Variants in CYP4F2 observed in about 807,000 individuals in gnomAD.
The protein encoded by CYP4F2 is cytochrome P450 4F2.
A neutral mutation model predicts 58.9 loss-of-function variants in CYP4F2; 58 were observed. That is an observed-to-expected ratio of 0.98 (90% CI 0.80 to 1.23). The LOEUF is 1.23. Ranked by LOEUF, CYP4F2 falls within the 50% of genes most tolerant of loss-of-function variation. The pLI is 0.00. For missense variants in CYP4F2, 616 were observed against 685.6 expected, an observed-to-expected ratio of 0.90 and a Z score of 1.13; for synonymous variants, 287 against 261.1, an observed-to-expected ratio of 1.10 and a Z score of -0.95.
intron 9 of CYP4F2, among the ~76,000 whole-genome samples, chr19:15,883,426 A>T (rs1372083632): frequency 6.6e-6 from 1 of 152,224 alleles, no homozygotes; most frequent in Non-Finnish European, 1.5e-5. Flanking sequence ...CCACAATGAG[A>T]TATCATCTCA....
intron 9 of CYP4F2, among the ~76,000 whole-genome samples, chr19:15,883,668 A>T (rs2886296): frequency 0.96 from 146,322 of 152,358 alleles, 70,319 homozygotes; most frequent in East Asian, 1. Context: ...AGAAAATAAA[A>T]CTGTTGAAGA....
At chr19:15,890,639 G>C (rs548074337) in intron 5 of CYP4F2, among the ~76,000 whole-genome samples, 9 of 152,186 alleles carry the variant, frequency 5.9e-5, no homozygotes, top group African/African-American at 2.2e-4. Context: ...AGGAGAACTA[G>C]GTTCAAGTTC....
rs2089320992 is a variant in CYP4F2, at chr19:15,878,737, A to G, written c.*34T>C. 11 of 1,608,842 alleles carry G rather than the reference A, an allele frequency of 6.8e-6. No homozygotes were observed. In the East Asian group the frequency reaches 2.5e-4, roughly 36 times the overall value. ...CTTCACTTTTGATGAATCAGGGGTCATTTTAGTGGGGTCAGAGTGGGTCTC... is the reference window on the plus strand; with the variant it reads ...CTTCACTTTTGATGAATCAGGGGTCGTTTTAGTGGGGTCAGAGTGGGTCTC... On this transcript the variant is annotated 3_prime_UTR_variant, in exon 13 of 13. Transcript: ENST00000221700.
intron 7 of CYP4F2, among the ~76,000 whole-genome samples, chr19:15,888,617 C>G (rs1353647712): frequency 6.6e-6 from 1 of 152,106 alleles, no homozygotes; most frequent in Non-Finnish European, 1.5e-5. Flanking sequence ...CACAGACGCA[C>G]ACATACATAG....
chr19:15,895,427 C>G, intron 3 of CYP4F2, 79 bp downstream of exon 3: 1 of 1,437,262 alleles, frequency 7.0e-7, no homozygotes, highest in Non-Finnish European at 9.1e-7. Context: ...CAGAGTACTG[C>G]AGGGCCCACA....
chr19:15,885,100 C>T (rs1170717822), intron 9 of CYP4F2, among the ~76,000 whole-genome samples: 2 of 151,588 alleles, frequency 1.3e-5, no homozygotes, highest in South Asian at 2.1e-4. Flanking sequence ...TCTCTCTCTC[C>T]TTCTCTCTCT....
chr19:15,881,798 C>T (rs923880261), intron 9 of CYP4F2, among the ~76,000 whole-genome samples: 9 of 149,868 alleles, frequency 6.0e-5, no homozygotes, highest in South Asian at 2.1e-4. Flanking sequence ...TACCATTCAG[C>T]CTTAAAAAAA....
intron 9 of CYP4F2, among the ~76,000 whole-genome samples, chr19:15,884,831 T>C (rs1568470658): frequency 6.6e-6 from 1 of 152,220 alleles, no homozygotes; most frequent in Admixed American, 6.5e-5. Flanking sequence ...GCCTTCATTC[T>C]ACAGCTGGTC....
At chr19:15,885,060 TCTC>T (rs2089368691) in intron 9 of CYP4F2, among the ~76,000 whole-genome samples, 1 of 151,634 alleles carries the variant, frequency 6.6e-6, no homozygotes, top group Non-Finnish European at 1.5e-5. Flanking sequence ...TCTCTCCCCT[TCTC>T]CTCCTTTCTG....
chr19:15,893,004 CAT>C (rs1218551276), intron 3 of CYP4F2, among the ~76,000 whole-genome samples: 1 of 152,176 alleles, frequency 6.6e-6, no homozygotes, highest in Non-Finnish European at 1.5e-5. Context: ...ATGACCCTGA[CAT>C]GTGTTCACAT....
chr19:15,894,837 TCCC>T (rs976230722), intron 3 of CYP4F2, among the ~76,000 whole-genome samples: 3 of 151,898 alleles, frequency 2.0e-5, no homozygotes, highest in South Asian at 4.2e-4. Flanking sequence ...CTCTTGGAGA[TCCC>T]CGGGACCTGC....
intron 2 of CYP4F2, among the ~76,000 whole-genome samples, chr19:15,897,102 G>A (rs967210666): frequency 1.3e-5 from 2 of 152,296 alleles, no homozygotes; most frequent in Admixed American, 1.3e-4. Context: ...AATGGAGAAT[G>A]TGGGAATGCC....
Position 15,889,629 on chromosome 19 carries a change from C to T in CYP4F2, c.712G>A (p.Glu238Lys), listed in dbSNP as rs1022029485. ...AGGAAGTCAATATGCAGGAGGATCT[C>T]ATGGTGTCTTTTTGATACAAGGGCA... is the stretch of plus-strand genomic sequence containing the variant. Reference protein sequence around the residue: ...LSALVSKRHHEILLHIDFLYY... With the variant: ...LSALVSKRHHKILLHIDFLYY... Residue 238 changes from glutamate (E) to lysine (K), a missense_variant, in exon 7 of 13, where the codon GAG becomes AAG. By Grantham distance (56) the Glu-to-Lys change is moderately conservative. Transcript: ENST00000221700. 6.2e-7 allele frequency: 1 copy of T among 1,614,170 alleles called. No individual in the cohort carries two copies. The highest frequency in any genetic ancestry group is 8.5e-7 in the Non-Finnish European group (1 of 1,180,020).
Position 15,897,486 on chromosome 19 carries a change from A to T in CYP4F2, c.126T>A (p.Tyr42Ter). 6.2e-7 allele frequency: 1 copy of T among 1,613,990 alleles called. No individual in the cohort carries two copies. The highest frequency in any genetic ancestry group is 2.2e-5 in the East Asian group (1 of 44,848). ...AHVLAWTYAF[Y>*]DNCRRLRCFP... The stretch of plus-strand genomic sequence containing the variant: ...AACACCGAAGGCGGCGGCAGTTGTC[A>T]TAGAAGGCGTAGGTCCAGGCCAGGA... Residue 42 changes from tyrosine to a stop codon, truncating the protein, a stop_gained, in exon 2 of 13, where the codon TAT (tyrosine) becomes TAA (stop). Coordinates refer to ENST00000221700, the MANE Select transcript of CYP4F2 (RefSeq NM_001082.5). LOFTEE classifies it high-confidence loss of function.
chr19:15,879,783 G>A lies in CYP4F2; in HGVS notation c.1230C>T (p.Asp410=), dbSNP rs959057648. Residue 410 remains aspartate, a synonymous_variant, in exon 10 of 13, where the codon GAC becomes GAT. Transcript: ENST00000221700. ...GAGCACCTTTGGGGATGACCCGGCC[G>A]TCTGGGAGCACAATGTCCTGGGTGA... The part of the protein sequence containing the change: ...RHVTQDIVLP[D]GRVIPKGIIC... 1.9e-5 allele frequency: 31 copies of A among 1,614,116 alleles called. No homozygotes were observed. The highest frequency in any genetic ancestry group is 5.3e-5 in the African/African-American group (4 of 75,042).
chr19:15,885,539 A>T (rs3093166), intron 9 of CYP4F2, among the ~76,000 whole-genome samples: 100,175 of 151,958 alleles, frequency 0.66, 33,272 homozygotes, highest in African/African-American at 0.71. Context: ...CCCTTATAAA[A>T]CCCTGGACTC....
chr19:15,879,283 C>A, intron 12 of CYP4F2, 63 bp downstream of exon 12: 1 of 1,563,146 alleles, frequency 6.4e-7, no homozygotes, highest in Non-Finnish European at 8.7e-7. Flanking sequence ...CTTTTCCCCA[C>A]TGTCATGCCC....
chr19:15,888,647 AAC>A (rs201868542), intron 7 of CYP4F2, among the ~76,000 whole-genome samples: 2,249 of 152,348 alleles, frequency 0.015, 65 homozygotes, highest in African/African-American at 0.051. Context: ...CAGACTTAGA[AAC>A]ACAGACACAA....
chr19:15,886,168 TG>T, intron 8 of CYP4F2, 73 bp downstream of exon 8: 3 of 1,610,010 alleles, frequency 1.9e-6, no homozygotes, highest in Non-Finnish European at 2.5e-6. Flanking sequence ...GGGAAGGTTG[TG>T]GGGGTCTACC....
Sources: gnomAD v4.1 joint callset for allele counts (sites outside exome capture counted in the v4.1 genomes callset) on GRCh38, gnomAD v4.1.1 for gene constraint, MANE v1.5 for transcripts, NCBI Gene and HGNC (gene_info 2026-07-23, HGNC 2026-07-21) for gene names.